The following DLG2 variants were observed in gnomAD, a reference collection of about 807,000 sequenced individuals.
The protein encoded by DLG2 is disks large homolog 2.
A neutral mutation model predicts 132.5 loss-of-function variants in DLG2; 45 were observed. That is an observed-to-expected ratio of 0.34 (90% CI 0.27 to 0.44). DLG2 has a LOEUF of 0.44. DLG2 is among the 20% of genes least tolerant of loss of function. The pLI is 1.00. For synonymous variants in DLG2, 424 were observed against 419.6 expected (o/e 1.01, Z -0.13); for missense variants, 1,045 against 1,196.9 (o/e 0.87, Z 1.87).
chr11:85,064,250 T>C (rs2064536506), intron 6 of DLG2, among the ~76,000 whole-genome samples: 1 of 151,880 alleles, frequency 6.6e-6, no homozygotes, highest in Admixed American at 6.6e-5. Context: ...ACATTTTATC[T>C]TTTCAAAAAT....
chr11:84,674,930 G>C (rs1014549194), intron 6 of DLG2, among the ~76,000 whole-genome samples: 1 of 152,108 alleles, frequency 6.6e-6, no homozygotes, highest in Non-Finnish European at 1.5e-5. Flanking sequence ...CCACAAGACA[G>C]TTGAAATTAA....
chr11:85,461,415 C>A (rs76680657), intron 3 of DLG2, among the ~76,000 whole-genome samples: 2 of 152,116 alleles, frequency 1.3e-5, no homozygotes, highest in Non-Finnish European at 1.5e-5. Context: ...AAAGAGAACA[C>A]AAGAAAACTG....
In DLG2 at chr11:84,085,862, C is replaced by A. The variant is rs139513094; in HGVS notation, c.749+13061G>T. 3.2e-3 allele frequency among the ~76,000 whole-genome samples: 484 copies of A among 152,270 alleles called. 2 individuals are homozygous for A. The highest frequency in any genetic ancestry group is 5.7e-3 in the Non-Finnish European group (388 of 68,016). On this transcript the variant is annotated intron_variant, in intron 10 of 27. Transcript: ENST00000376104. ...GTGAGGAATCAATATATCATTCTTTCTTTTCTTGATTATATTTGGAAAATT... is the reference window on the plus strand; with the variant it reads ...GTGAGGAATCAATATATCATTCTTTATTTTCTTGATTATATTTGGAAAATT...
At chr11:85,588,839 G>A (rs1481577503) in intron 3 of DLG2, among the ~76,000 whole-genome samples, 2 of 152,144 alleles carry the variant, frequency 1.3e-5, no homozygotes, top group African/African-American at 4.8e-5. Flanking sequence ...CTGCTATTTA[G>A]ATTCTTTTGT....
chr11:84,600,220 G>C, intron 6 of DLG2, among the ~76,000 whole-genome samples: 1 of 131,992 alleles, frequency 7.6e-6, no homozygotes, highest in South Asian at 2.6e-4. Flanking sequence ...AAGAAAGAAA[G>C]AAAGAGAAAG....
At chr11:83,981,806 C>T (rs988531625) in intron 11 of DLG2, among the ~76,000 whole-genome samples, 1 of 152,182 alleles carries the variant, frequency 6.6e-6, no homozygotes, top group African/African-American at 2.4e-5. Flanking sequence ...TCATTTTAAA[C>T]ATGGCGATTG....
chr11:84,995,515 G>A (rs752685658), intron 6 of DLG2, among the ~76,000 whole-genome samples: 5 of 152,118 alleles, frequency 3.3e-5, no homozygotes, highest in East Asian at 3.8e-4. Context: ...AACACATGCC[G>A]TGGCCTTGCA....
At chr11:83,576,154 T>C (rs2096870487) in intron 19 of DLG2, among the ~76,000 whole-genome samples, 1 of 152,140 alleles carries the variant, frequency 6.6e-6, no homozygotes, top group Non-Finnish European at 1.5e-5. Flanking sequence ...AAACAATGCC[T>C]AAAATATTAA....
At chr11:84,965,966 A>G (rs919349022) in intron 6 of DLG2, among the ~76,000 whole-genome samples, 4 of 152,104 alleles carry the variant, frequency 2.6e-5, no homozygotes, top group Non-Finnish European at 5.9e-5. Context: ...GTTTCTGTAC[A>G]TACTTCCAAA....
intron 22 of DLG2, among the ~76,000 whole-genome samples, chr11:83,477,646 T>G (rs2092720896): frequency 6.6e-6 from 1 of 152,046 alleles, no homozygotes; most frequent in Admixed American, 6.6e-5. Flanking sequence ...TAACTCTGAA[T>G]TATTACAATT....
intron 7 of DLG2, among the ~76,000 whole-genome samples, chr11:84,259,223 G>T (rs114886935): frequency 9.6e-5 from 14 of 146,386 alleles, no homozygotes; most frequent in African/African-American, 3.3e-4. Flanking sequence ...AGTAAGCTGA[G>T]ACTGTGCCAC....
intron 6 of DLG2, among the ~76,000 whole-genome samples, chr11:84,962,518 A>T (rs1348344894): frequency 1.3e-5 from 2 of 152,238 alleles, no homozygotes; most frequent in African/African-American, 4.8e-5. Context: ...CTGAAATCTT[A>T]TGTGAGGCTT....
At chr11:83,779,629 A>C (rs1251207319) in intron 18 of DLG2, among the ~76,000 whole-genome samples, 1 of 152,216 alleles carries the variant, frequency 6.6e-6, no homozygotes, top group South Asian at 2.1e-4. Context: ...AGCTAGCCTC[A>C]GCTTTAACAG....
At chr11:84,698,864 A>G (rs534930539) in intron 6 of DLG2, among the ~76,000 whole-genome samples, 1 of 151,748 alleles carries the variant, frequency 6.6e-6, no homozygotes, top group South Asian at 2.1e-4. Context: ...TTCTGAAAAT[A>G]CATTGTTATT....
At chr11:84,213,431 A>C (rs1352300186) in intron 8 of DLG2, among the ~76,000 whole-genome samples, 2 of 152,158 alleles carry the variant, frequency 1.3e-5, no homozygotes, top group Non-Finnish European at 2.9e-5. Context: ...TAAGCTACTC[A>C]AGGTATGATC....
intron 6 of DLG2, among the ~76,000 whole-genome samples, chr11:84,703,309 G>T (rs976937134): frequency 6.6e-6 from 1 of 151,496 alleles, no homozygotes; most frequent in African/African-American, 2.4e-5. Context: ...CTGTAGTAGG[G>T]TTTACTAAAT....
At chr11:84,632,636 A>G (rs9645693) in intron 6 of DLG2, among the ~76,000 whole-genome samples, 15,410 of 152,252 alleles carry the variant, frequency 0.1, 965 homozygotes, top group South Asian at 0.24. Context: ...CATGTCTAGC[A>G]GTGGAGACAG....
intron 11 of DLG2, among the ~76,000 whole-genome samples, chr11:84,032,581 G>A (rs2095734074): frequency 6.6e-6 from 1 of 152,200 alleles, no homozygotes; most frequent in Non-Finnish European, 1.5e-5. Flanking sequence ...AGCAGGAGGT[G>A]CTGAGGTAGA....
intron 18 of DLG2, among the ~76,000 whole-genome samples, chr11:83,761,483 A>T (rs1228923349): frequency 2.0e-5 from 3 of 152,232 alleles, no homozygotes; most frequent in East Asian, 1.9e-4. Context: ...TTGAATAATG[A>T]TAGTCTCTGA....
Sources: allele counts gnomAD v4.1 joint callset (sites outside exome capture counted in the v4.1 genomes callset), GRCh38; gene constraint gnomAD v4.1.1; transcripts MANE v1.5; gene names NCBI Gene and HGNC (gene_info 2026-07-23, HGNC 2026-07-21).